The following CARS2 variants were observed in gnomAD, a reference collection of about 807,000 sequenced individuals.
CARS2 encodes cysteinyl-tRNA synthetase 2, mitochondrial, also known as probable cysteine--tRNA ligase, mitochondrial.
In CARS2, 52 loss-of-function variants were observed where a neutral mutation model predicts 68.8. That is an observed-to-expected ratio of 0.76 (90% CI 0.61 to 0.95). The LOEUF is 0.95. CARS2 is among the 40% of genes least tolerant of loss of function. The probability of loss-of-function intolerance (pLI) is 0.00; values close to 1 mark genes in which losing one functional copy is unlikely to be tolerated. For missense variants in CARS2, 780 were observed against 754.2 expected, an observed-to-expected ratio of 1.03 and a Z score of -0.40; for synonymous variants, 314 against 303.6, an observed-to-expected ratio of 1.03 and a Z score of -0.36.
At chr13:110,706,767 G>T (rs1383839353), upstream of CARS2, among the ~76,000 whole-genome samples, 1 of 142,572 alleles carries the variant, frequency 7.0e-6, no homozygotes, top group Non-Finnish European at 1.6e-5. Context: ...ATGCACCCCA[G>T]CACACACATC....
At chr13:110,712,489 G>A in intron 1 of CARS2, 1 of 271,290 alleles carries the variant, frequency 3.7e-6, no homozygotes, top group Non-Finnish European at 7.4e-6. Flanking sequence ...GTGCACAAAG[G>A]CACGAGGCCA....
intron 9 of CARS2, among the ~76,000 whole-genome samples, chr13:110,660,371 C>G (rs1047091585): frequency 2.6e-5 from 4 of 152,230 alleles, no homozygotes; most frequent in Non-Finnish European, 5.9e-5. Flanking sequence ...CATGTTCTTA[C>G]TGGCATCTAG....
intron 6 of CARS2, among the ~76,000 whole-genome samples, chr13:110,680,124 A>G (rs1357792159): frequency 7.3e-6 from 1 of 136,138 alleles, no homozygotes; most frequent in Admixed American, 7.7e-5. Context: ...TCACACCGAT[A>G]ACCCCAGTAC....
chr13:110,679,605 G>A (rs868000463), intron 6 of CARS2, among the ~76,000 whole-genome samples: 23 of 118,146 alleles, frequency 1.9e-4, no homozygotes, highest in East Asian at 1.3e-3. Context: ...GAAAGAGAGA[G>A]AGAGAGAGAG....
chr13:110,713,248 G>A, exon 1 of CARS2: 2 of 1,353,586 alleles, frequency 1.5e-6, no homozygotes, highest in Non-Finnish European at 1.9e-6. Context: ...CTGCTCTGTG[G>A]GGCGGGGACG....
At chr13:110,666,510 G>C in intron 8 of CARS2, 1 of 985,310 alleles carries the variant, frequency 1.0e-6, no homozygotes, top group Non-Finnish European at 1.2e-6. Flanking sequence ...GTAAGCCCGG[G>C]GTGAAGGACA....
In CARS2 at chr13:110,706,034, G is replaced by C; in HGVS notation, c.60C>G (p.Gly20=). 2 of 1,383,132 alleles carry C rather than the reference G, an allele frequency of 1.4e-6. No homozygotes were observed. The highest frequency in any genetic ancestry group is 2.0e-4 in the Middle Eastern group (1 of 5,098). The allele number at this position is 1,383,132 out of a possible 1,614,324, so 85.7% of individuals were successfully genotyped here. A position where few individuals can be genotyped will look rare whatever the true frequency, so the allele number is the denominator to read the frequency against. The change falls in exon 1 of 15, where the codon GGC becomes GGG. Residue 20 remains glycine (G), a synonymous_variant. Coordinates refer to ENST00000257347, the MANE Select transcript of CARS2 (RefSeq NM_024537.4). ...GCCAGTGCCACCCAGCCCGCCCAAGGCCCAGCGCGGCCTGGAGCAGCGGGG... is the reference window on the plus strand; with the variant it reads ...GCCAGTGCCACCCAGCCCGCCCAAGCCCCAGCGCGGCCTGGAGCAGCGGGG... ...LGPPLLQAAL[G]LGRAGWHWPA...
At chr13:110,678,468 T>A (rs1423858645) in intron 6 of CARS2, among the ~76,000 whole-genome samples, 1 of 152,146 alleles carries the variant, frequency 6.6e-6, no homozygotes, top group Non-Finnish European at 1.5e-5. Context: ...CCATCACCTT[T>A]GATGAATTTA....
At chr13:110,702,569 C>T (rs527336059) in intron 2 of CARS2, among the ~76,000 whole-genome samples, 6 of 152,054 alleles carry the variant, frequency 3.9e-5, no homozygotes, top group Admixed American at 1.3e-4. Context: ...ATTACAGGAA[C>T]CTAAAGCAAA....
chr13:110,644,291 A>G, intron 13 of CARS2, 94 bp downstream of exon 13: 1 of 1,376,186 alleles, frequency 7.3e-7, no homozygotes. Flanking sequence ...TTAGTGTGGC[A>G]TCATAATGCT....
intron 10 of CARS2, chr13:110,648,290 G>A (rs1201640774): frequency 6.6e-6 from 1 of 152,240 alleles, no homozygotes; most frequent in Non-Finnish European, 1.5e-5. Context: ...TAGAGTTGAT[G>A]CATGGGAGGC....
intron 6 of CARS2, among the ~76,000 whole-genome samples, chr13:110,682,010 C>T (rs935391436): frequency 6.6e-6 from 1 of 152,068 alleles, no homozygotes; most frequent in Non-Finnish European, 1.5e-5. Flanking sequence ...TGTCGCTATA[C>T]ATTCACCCAA....
At chr13:110,667,722 T>C (rs1366751917) in intron 7 of CARS2, among the ~76,000 whole-genome samples, 1 of 152,234 alleles carries the variant, frequency 6.6e-6, no homozygotes, top group Non-Finnish European at 1.5e-5. Flanking sequence ...TTTTTTTCTC[T>C]TTTTCTTTCT....
chr13:110,665,110 G>A lies in CARS2; in HGVS notation c.920-1592C>T, dbSNP rs2062612587. On this transcript the variant is annotated intron_variant, in intron 8 of 14. Coordinates refer to ENST00000257347, the MANE Select transcript of CARS2 (RefSeq NM_024537.4). The surrounding 1 kb of genome is among the most constrained non-coding windows in gnomAD (Gnocchi z 4.3). ...GGGCCAAACTAGTATGAAAAAGATC[G>A]CTGGTATCTTAACAGGTAGTAAAAA... 2.3e-5 allele frequency: 23 copies of A among 985,208 alleles called. No homozygotes were observed. Among genetic ancestry groups the A allele is most frequent in the Non-Finnish European group, 2.5e-5 (21 of 829,912 alleles). 61.0% of individuals were successfully genotyped at this position (985,208 alleles called of 1,614,324 possible).
At chr13:110,710,090 T>C (rs1042461983), upstream of CARS2, among the ~76,000 whole-genome samples, 4 of 152,120 alleles carry the variant, frequency 2.6e-5, no homozygotes, top group African/African-American at 9.7e-5. Flanking sequence ...CTTAAACAAT[T>C]CTATGCTTGG....
At chr13:110,666,287 C>T (rs1436204954) in intron 8 of CARS2, 1 of 985,286 alleles carries the variant, frequency 1.0e-6, no homozygotes. Context: ...GAAACTCCAC[C>T]GACACCGGAA....
At chr13:110,710,530 A>T (rs561997066), upstream of CARS2, among the ~76,000 whole-genome samples, 1 of 152,368 alleles carries the variant, frequency 6.6e-6, no homozygotes, top group South Asian at 2.1e-4. Flanking sequence ...GTTCTACGGA[A>T]AAGTTTTAAC....
At chr13:110,672,733 G>C (rs2062834841) in intron 7 of CARS2, among the ~76,000 whole-genome samples, 1 of 152,194 alleles carries the variant, frequency 6.6e-6, no homozygotes, top group South Asian at 2.1e-4. Flanking sequence ...AACTGAAGGA[G>C]ATAGAGACAC....
chr13:110,666,475 C>G, intron 8 of CARS2: 1 of 985,344 alleles, frequency 1.0e-6, no homozygotes, highest in South Asian at 4.7e-5. Context: ...GCAGAGCCGC[C>G]TGCTGGGTTC....
Sources: gnomAD v4.1 joint callset for allele counts (sites outside exome capture counted in the v4.1 genomes callset) on GRCh38, gnomAD v4.1.1 for gene constraint, Gnocchi (gnomAD v3.1) non-coding constraint, MANE v1.5 for transcripts, NCBI Gene and HGNC (gene_info 2026-07-23, HGNC 2026-07-21) for gene names.